Variants in UNC13C observed in about 807,000 individuals in gnomAD.
UNC13C encodes unc-13 homolog C, also known as protein unc-13 homolog C.
Under a neutral mutation model 245.4 loss-of-function variants are expected in UNC13C, and 174 were observed. The ratio of observed to expected loss-of-function variants is 0.71; its 90% CI spans 0.63 to 0.80. The LOEUF (loss-of-function observed/expected upper bound fraction) is 0.80, where lower values mean the gene tolerates loss of function less well. Among genes scored for constraint, UNC13C ranks in the 30% least tolerant of loss-of-function variants. The pLI, the probability that UNC13C is intolerant of heterozygous loss-of-function variation, is 0.00. For synonymous variants in UNC13C, 992 were observed against 895.1 expected (o/e 1.11, Z -1.93); for missense variants, 2,829 against 2,602.9 (o/e 1.09, Z -1.89).
chr15:53,993,339 T>A (rs1262895930), intron 1 of UNC13C, among the ~76,000 whole-genome samples: 1 of 152,008 alleles, frequency 6.6e-6, no homozygotes, highest in African/African-American at 2.4e-5. Flanking sequence ...CCATTAGTCA[T>A]TGGATGTATA....
chr15:54,622,433 C>T lies in UNC13C; in HGVS notation c.6199+14C>T. The T allele has an allele frequency of 1.9e-6, 3 of 1,589,216 alleles. No homozygotes were observed. The highest frequency in any genetic ancestry group is 2.6e-6 in the Non-Finnish European group (3 of 1,157,790). On this transcript the variant is annotated intron_variant, in intron 31 of 32. Transcript: ENST00000260323. ...TCACTGTAAAAGGTATACTTCTGGT[C>T]TAGATAAATCAAAACAGCCTTCTAA...
intron 30 of UNC13C, among the ~76,000 whole-genome samples, chr15:54,579,535 G>T (rs1268726284): frequency 6.6e-6 from 1 of 152,086 alleles, no homozygotes; most frequent in Non-Finnish European, 1.5e-5. Context: ...GAGGCAGGCA[G>T]ATCACGAGGT....
At chr15:53,883,961 A>C in the UNC13C span, among the ~76,000 whole-genome samples, 1 of 152,160 alleles carries the variant, frequency 6.6e-6, no homozygotes, top group African/African-American at 2.4e-5. Context: ...AGAAAGTCTG[A>C]GGGTAGGTTC....
intron 18 of UNC13C, among the ~76,000 whole-genome samples, chr15:54,402,081 A>T (rs1296550369): frequency 6.7e-6 from 1 of 149,508 alleles, no homozygotes; most frequent in Non-Finnish European, 1.5e-5. Flanking sequence ...AAAAAAAAAA[A>T]TGCTTTAATT....
chr15:54,389,620 G>C (rs1428894559), intron 17 of UNC13C, among the ~76,000 whole-genome samples: 1 of 152,154 alleles, frequency 6.6e-6, no homozygotes, highest in Admixed American at 6.5e-5. Flanking sequence ...ACAAACGTTG[G>C]AGAAGCACAC....
intron 4 of UNC13C, among the ~76,000 whole-genome samples, chr15:54,187,194 T>G (rs1237370464): frequency 1.3e-5 from 2 of 152,076 alleles, no homozygotes; most frequent in Non-Finnish European, 2.9e-5. Context: ...TAATGTTTAA[T>G]AAAATATAAT....
chr15:54,323,227 G>A (rs748844378), intron 14 of UNC13C, among the ~76,000 whole-genome samples: 4 of 151,982 alleles, frequency 2.6e-5, no homozygotes, highest in Non-Finnish European at 4.4e-5. Context: ...AAAAAGATGT[G>A]CTCCTGTGTT....
At chr15:53,873,440 C>T in the UNC13C span, among the ~76,000 whole-genome samples, 3 of 152,052 alleles carry the variant, frequency 2.0e-5, no homozygotes, top group Non-Finnish European at 4.4e-5. Flanking sequence ...CCATCTGACC[C>T]ACAGGAAACT....
At position 54,466,949 on chromosome 15, in the gene UNC13C, G is replaced by C. The variant is rs138353387; in HGVS notation, c.4934-27659G>C. ...ATATTTGATCCTAAAGAAATTAGGA[G>C]ACCTGTGAATTTCCAGAGCTACTGT... On this transcript the variant is annotated intron_variant, in intron 19 of 32. Transcript: ENST00000260323. Among the ~76,000 whole-genome samples the C allele has an allele frequency of 5.4e-3, 814 of 151,932 alleles. 3 individuals carry two copies. Among genetic ancestry groups the C allele is most frequent in the Non-Finnish European group, 8.4e-3 (571 of 67,740 alleles).
At chr15:54,599,416 G>T (rs1260981862) in intron 30 of UNC13C, among the ~76,000 whole-genome samples, 2 of 152,002 alleles carry the variant, frequency 1.3e-5, no homozygotes, top group African/African-American at 4.8e-5. Context: ...TCTTGTACAA[G>T]CCTGCAGTGT....
intron 13 of UNC13C, among the ~76,000 whole-genome samples, chr15:54,310,740 A>ATATATC (rs57312410): frequency 0.13 from 14,973 of 117,376 alleles, 885 homozygotes; most frequent in East Asian, 0.26. Flanking sequence ...GCCTCATTTT[A>ATATATC]TATATCTATA....
Position 54,342,285 on chromosome 15 carries a change from A to G in UNC13C, c.4713+3796A>G, listed in dbSNP as rs1368887117. 2.6e-5 allele frequency among the ~76,000 whole-genome samples: 4 copies of G among 152,128 alleles called. No individual in the cohort carries two copies. The East Asian group carries it at 7.7e-4, about 29-fold the overall frequency. On this transcript the variant is annotated intron_variant, in intron 17 of 32. Coordinates refer to ENST00000260323, the MANE Select transcript of UNC13C (RefSeq NM_001080534.3). Reference sequence around the variant, plus strand: ...TCTTGATGACACATCTTTTTGTTATATTGAAGTTTTCTAATGCATACTATG... The same window carrying G: ...TCTTGATGACACATCTTTTTGTTATGTTGAAGTTTTCTAATGCATACTATG...
intron 2 of UNC13C, among the ~76,000 whole-genome samples, chr15:54,041,776 T>G (rs1470157113): frequency 6.6e-6 from 1 of 152,234 alleles, no homozygotes; most frequent in Non-Finnish European, 1.5e-5. Flanking sequence ...AAGATGGATA[T>G]CTGGTACATA....
intron 10 of UNC13C, among the ~76,000 whole-genome samples, chr15:54,267,659 A>G (rs1381618846): frequency 6.6e-6 from 1 of 151,880 alleles, no homozygotes; most frequent in Admixed American, 6.6e-5. Flanking sequence ...TCTGTGTATA[A>G]CATATCTCCC....
At position 54,333,726 on chromosome 15, in the gene UNC13C, A is replaced by G. The variant is rs2038500188; in HGVS notation, c.4495-41A>G. 4.4e-6 allele frequency: 6 copies of G among 1,355,308 alleles called. No homozygotes were observed. In the Admixed American group the frequency reaches 5.8e-5, roughly 13 times the overall value. 84.0% of individuals were successfully genotyped at this position (1,355,308 alleles called of 1,614,324 possible). A position where few individuals can be genotyped will look rare whatever the true frequency, so the allele number is the denominator to read the frequency against. On this transcript the variant is annotated intron_variant, in intron 15 of 32. Coordinates refer to ENST00000260323, the MANE Select transcript of UNC13C (RefSeq NM_001080534.3). ...TAGTTTATTTTCCCACTAGAAGTTTACTGCTGACAACCTTATCCATTTTGT... is the reference window on the plus strand; with the variant it reads ...TAGTTTATTTTCCCACTAGAAGTTTGCTGCTGACAACCTTATCCATTTTGT...
Position 54,154,259 on chromosome 15 carries a change from A to G in UNC13C, c.3071+10575A>G, listed in dbSNP as rs527628741. Among the ~76,000 whole-genome samples, 3 of 148,752 alleles carry G rather than the reference A, an allele frequency of 2.0e-5. No homozygotes were observed. In the South Asian group the frequency reaches 6.2e-4, roughly 31 times the overall value. ...CTATTGGTATTTTGATACATGTTGC[A>G]TTGAATCTGTAGATTGCTTTGGGTA... On this transcript the variant is annotated intron_variant, in intron 4 of 32. Transcript: ENST00000260323.
chr15:54,576,929 A>G (rs1396665384), intron 30 of UNC13C, among the ~76,000 whole-genome samples: 1 of 152,246 alleles, frequency 6.6e-6, no homozygotes, highest in Non-Finnish European at 1.5e-5. Flanking sequence ...AATGAATGCT[A>G]TAAAATTCAA....
In UNC13C at chr15:54,064,553, G is replaced by A. The variant is rs140807575; in HGVS notation, c.2983+48667G>A. Among the ~76,000 whole-genome samples, 418 of 152,288 alleles carry A rather than the reference G, an allele frequency of 2.7e-3. 3 individuals carry two copies. Among genetic ancestry groups the A allele is most frequent in the African/African-American group, 9.6e-3 (398 of 41,566 alleles). ...ATGCAGTGTAGCTGATTTCCCAAGA[G>A]ATGCTGCTAACGTGAACCAGAAGCT... On this transcript the variant is annotated intron_variant, in intron 2 of 32. Transcript: ENST00000260323.
intron 7 of UNC13C, among the ~76,000 whole-genome samples, chr15:54,245,451 A>G (rs2035966354): frequency 6.6e-6 from 1 of 152,132 alleles, no homozygotes; most frequent in African/African-American, 2.4e-5. Context: ...AACTACTTAC[A>G]TTCTCACATA....
Sources: gnomAD v4.1 joint callset for allele counts (sites outside exome capture counted in the v4.1 genomes callset) on GRCh38, gnomAD v4.1.1 for gene constraint, MANE v1.5 for transcripts, NCBI Gene and HGNC (gene_info 2026-07-23, HGNC 2026-07-21) for gene names.